Variants in AFG2A observed in about 807,000 individuals in gnomAD.
The protein encoded by AFG2A is ATPase family gene 2 protein homolog A.
the AFG2A span, among the ~76,000 whole-genome samples, chr4:123,150,498 T>C: frequency 1.3e-5 from 2 of 152,148 alleles, no homozygotes; most frequent in African/African-American, 2.4e-5. Context: ...GAGAGCCAAA[T>C]CATCAGTGAA....
At chr4:123,007,542 G>A in the AFG2A span, among the ~76,000 whole-genome samples, 50 of 109,666 alleles carry the variant, frequency 4.6e-4, no homozygotes, top group Non-Finnish European at 7.5e-4. Context: ...ATATATATAT[G>A]TGTATGTATG....
the AFG2A span, among the ~76,000 whole-genome samples, chr4:123,023,496 G>A: frequency 6.6e-5 from 10 of 152,316 alleles, 1 homozygote; most frequent in South Asian, 2.1e-3. Flanking sequence ...AAGTGAAACT[G>A]AGTATCCTAT....
the AFG2A span, among the ~76,000 whole-genome samples, chr4:123,295,423 C>T: frequency 0.013 from 1,936 of 152,124 alleles, 47 homozygotes; most frequent in African/African-American, 0.044. Flanking sequence ...AATCTTAAGA[C>T]GAAAAGGGAA....
chr4:123,204,305 C>G, the AFG2A span, among the ~76,000 whole-genome samples: 2 of 152,104 alleles, frequency 1.3e-5, no homozygotes, highest in East Asian at 1.9e-4. Flanking sequence ...TAGAAACTAC[C>G]AAACTATCTT....
chr4:123,193,826 C>G, the AFG2A span, among the ~76,000 whole-genome samples: 1 of 152,090 alleles, frequency 6.6e-6, no homozygotes, highest in Non-Finnish European at 1.5e-5. Flanking sequence ...AATGTCATCA[C>G]TTATATAAGA....
At chr4:122,931,348 A>G in the AFG2A span, among the ~76,000 whole-genome samples, 185 of 152,234 alleles carry the variant, frequency 1.2e-3, no homozygotes, top group African/African-American at 3.8e-3. Context: ...TTATATGAAT[A>G]TATAGTTGAT....
chr4:123,136,859 A>G, the AFG2A span, among the ~76,000 whole-genome samples: 2 of 151,192 alleles, frequency 1.3e-5, no homozygotes, highest in African/African-American at 4.9e-5. Flanking sequence ...AAAAAAAAAG[A>G]AAAAAAGAGA....
the AFG2A span, among the ~76,000 whole-genome samples, chr4:123,206,142 A>T: frequency 1.3e-5 from 2 of 152,154 alleles, no homozygotes; most frequent in South Asian, 4.2e-4. Flanking sequence ...ACTTTTCGAA[A>T]TGTCTACACA....
chr4:123,190,263 G>A, the AFG2A span, among the ~76,000 whole-genome samples: 1 of 152,214 alleles, frequency 6.6e-6, no homozygotes, highest in Non-Finnish European at 1.5e-5. Flanking sequence ...AGCAGGTGAT[G>A]TGGTGACTGT....
the AFG2A span, among the ~76,000 whole-genome samples, chr4:123,092,285 T>A: frequency 6.6e-6 from 1 of 152,180 alleles, no homozygotes; most frequent in Non-Finnish European, 1.5e-5. Flanking sequence ...TCCAGAAAAA[T>A]CTTTCTCCTG....
chr4:123,090,724 T>A, the AFG2A span: 2 of 1,599,456 alleles, frequency 1.3e-6, no homozygotes, highest in African/African-American at 2.7e-5. Context: ...GAAGGCATTG[T>A]GGATATTATA....
the AFG2A span, among the ~76,000 whole-genome samples, chr4:123,016,750 C>T: frequency 2.6e-5 from 4 of 152,170 alleles, no homozygotes; most frequent in Non-Finnish European, 5.9e-5. Flanking sequence ...AATCTTGGCA[C>T]TTTGGGAGGC....
At chr4:122,961,501 T>C in the AFG2A span, among the ~76,000 whole-genome samples, 1 of 152,172 alleles carries the variant, frequency 6.6e-6, no homozygotes, top group Non-Finnish European at 1.5e-5. Flanking sequence ...GTAGCCTCCT[T>C]GACAGATTTT....
chr4:123,250,868 C>T, the AFG2A span, among the ~76,000 whole-genome samples: 1 of 152,152 alleles, frequency 6.6e-6, no homozygotes, highest in Non-Finnish European at 1.5e-5. Flanking sequence ...AGAATACATT[C>T]TTCCACCCTA....
At chr4:123,211,286 G>A in the AFG2A span, among the ~76,000 whole-genome samples, 2 of 152,112 alleles carry the variant, frequency 1.3e-5, no homozygotes, top group Admixed American at 1.3e-4. Flanking sequence ...AACCTAGGGT[G>A]AGAATACCTG....
chr4:123,100,262 C>T, the AFG2A span, among the ~76,000 whole-genome samples: 111,877 of 151,642 alleles, frequency 0.74, 41,813 homozygotes, highest in East Asian at 0.97. Flanking sequence ...TTCTTTAATC[C>T]GATGAACAAG....
the AFG2A span, among the ~76,000 whole-genome samples, chr4:123,008,378 T>C: frequency 6.6e-6 from 1 of 152,172 alleles, no homozygotes. Context: ...ACCTAGGCCC[T>C]ACCTCCAATA....
At chr4:122,990,803 G>C in the AFG2A span, among the ~76,000 whole-genome samples, 98 of 152,262 alleles carry the variant, frequency 6.4e-4, no homozygotes, top group African/African-American at 2.3e-3. Context: ...TGCGCAGACT[G>C]GTCTGGAACT....
the AFG2A span, among the ~76,000 whole-genome samples, chr4:123,276,353 G>A: frequency 6.6e-6 from 1 of 151,550 alleles, no homozygotes; most frequent in East Asian, 1.9e-4. Context: ...GCTTGTAAAT[G>A]TAAGTTCCTT....
Sources: gnomAD v4.1 joint callset for allele counts (sites outside exome capture counted in the v4.1 genomes callset) on GRCh38, gnomAD v4.1.1 for gene constraint, MANE v1.5 for transcripts, NCBI Gene and HGNC (gene_info 2026-07-23, HGNC 2026-07-21) for gene names.